TJP1: variants seen among roughly 807,000 people sequenced by gnomAD.
The protein encoded by TJP1 is tight junction protein 1.
Under a neutral mutation model 194.2 loss-of-function variants are expected in TJP1, and 43 were observed. The observed-to-expected ratio is 0.22, with a 90% CI of 0.17 to 0.29. The LOEUF (loss-of-function observed/expected upper bound fraction) is 0.29. TJP1 is among the 10% of genes least tolerant of loss of function. The pLI is 1.00. For missense variants in TJP1, 1,971 were observed against 2,185.7 expected (o/e 0.90, Z 1.96); for synonymous variants, 801 against 779.0 (o/e 1.03, Z -0.47).
intron 2 of TJP1, among the ~76,000 whole-genome samples, chr15:29,793,988 C>T (rs973922127): frequency 1.3e-5 from 2 of 152,128 alleles, no homozygotes; most frequent in African/African-American, 4.8e-5. Flanking sequence ...CAGGGAAATA[C>T]TGGCCCTTTG....
At chr15:29,906,139 C>T (rs72721154) in intron 2 of TJP1, among the ~76,000 whole-genome samples, 15,785 of 152,100 alleles carry the variant, frequency 0.1, 1,045 homozygotes, top group East Asian at 0.25. Context: ...ACTCTCTGTA[C>T]TTTCCACTCA....
chr15:29,833,109 T>C (rs1305980179), intron 2 of TJP1, among the ~76,000 whole-genome samples: 1 of 152,158 alleles, frequency 6.6e-6, no homozygotes, highest in Non-Finnish European at 1.5e-5. Context: ...TAAGGATTAA[T>C]GAGGGAATAT....
rs2050463927 is a variant in TJP1 at position 29,822,420 on chromosome 15, G to A, written c.-392C>T. 4.0e-6 allele frequency: 4 copies of A among 991,746 alleles called. No individual in the cohort carries two copies. Among genetic ancestry groups the A allele is most frequent in the Non-Finnish European group, 4.8e-6 (4 of 834,192 alleles). The allele number at this position is 991,746 out of a possible 1,614,324, so 61.4% of individuals were successfully genotyped here. A position where few individuals can be genotyped will look rare whatever the true frequency, so the allele number is the denominator to read the frequency against. ...CTTCCCGGGAACCGGCGGCCGCCAA[G>A]GAACGCGGCGTCCGCTGGCTCAGCC... On this transcript the variant is annotated 5_prime_UTR_variant, in exon 1 of 28. Transcript: ENST00000614355.
intron 2 of TJP1, among the ~76,000 whole-genome samples, chr15:29,796,873 A>T (rs746053216): frequency 3.9e-5 from 6 of 152,148 alleles, no homozygotes; most frequent in Admixed American, 6.5e-5. Flanking sequence ...TGGTCAATTG[A>T]TTTTTGACAA....
chr15:29,845,027 C>T (rs2051358087), intron 2 of TJP1, among the ~76,000 whole-genome samples: 1 of 152,126 alleles, frequency 6.6e-6, no homozygotes. Context: ...GAAAAAGGAA[C>T]TGATTGACCG....
In TJP1 at chr15:29,710,978, C is replaced by T. The variant is rs766170426; in HGVS notation, c.4225G>A (p.Gly1409Ser). The T allele has an allele frequency of 1.2e-6, 2 of 1,608,608 alleles. No individual in the cohort carries two copies. The highest frequency in any genetic ancestry group is 1.1e-5 in the South Asian group (1 of 90,510). ...SSKGKPPEAD[G>S]VDRSFGEKRY... ...TTCTCGCCAAATGATCTATCCACAC[C>T]ATCAGCTTCAGGAGGCTTTCCCCTG... The change falls in exon 24 of 28, where the codon GGT becomes AGT. Residue 1409 changes from glycine (G) to serine (S), a missense_variant. By Grantham distance (56) the Gly-to-Ser change is moderately conservative. This residue lies in a region of TJP1 where 1,108 missense variants were observed against 1,128.5 expected (regional missense o/e 0.98). Coordinates refer to ENST00000614355, the MANE Select transcript of TJP1 (RefSeq NM_001330239.4).
intron 2 of TJP1, among the ~76,000 whole-genome samples, chr15:29,856,099 G>A (rs912137526): frequency 6.6e-6 from 1 of 152,068 alleles, no homozygotes; most frequent in Non-Finnish European, 1.5e-5. Context: ...AATAAGATGT[G>A]GCATATCCAT....
At chr15:29,760,501 G>A (rs1409916445) in intron 8 of TJP1, among the ~76,000 whole-genome samples, 5 of 152,000 alleles carry the variant, frequency 3.3e-5, no homozygotes, top group South Asian at 2.1e-4. Context: ...TCAGCCTCCC[G>A]AGTAGCTGGG....
At chr15:29,953,572 C>T (rs951753026) in intron 2 of TJP1, among the ~76,000 whole-genome samples, 24 of 152,096 alleles carry the variant, frequency 1.6e-4, no homozygotes, top group African/African-American at 5.8e-4. Context: ...GTGGGAGGAG[C>T]CAAGCTGTTA....
In TJP1 at chr15:29,759,820, T is replaced by C. The variant is rs1364344389; in HGVS notation, c.1010+1319A>G. 9 of 173,804 alleles carry C rather than the reference T, an allele frequency of 5.2e-5. No homozygotes were observed. In the Admixed American group the frequency reaches 5.6e-4, roughly 11 times the overall value. The allele number at this position is 173,804 out of a possible 1,614,324, so 10.8% of individuals were successfully genotyped here. A position where few individuals can be genotyped will look rare whatever the true frequency, so the allele number is the denominator to read the frequency against. ...GATTTCCTTCTTTTTAAAGGCTAAA[T>C]CACATTTCATTGTGTGTGTGAACAT... is the stretch of plus-strand genomic sequence containing the variant. On this transcript the variant is annotated intron_variant, in intron 8 of 27. Transcript: ENST00000614355.
At chr15:29,714,773 C>A (rs1373525142) in intron 23 of TJP1, among the ~76,000 whole-genome samples, 1 of 151,920 alleles carries the variant, frequency 6.6e-6, no homozygotes, top group Admixed American at 6.6e-5. Flanking sequence ...GATCTCCTGA[C>A]CTCATGATCA....
chr15:29,820,707 T>C, intron 1 of TJP1: 2 of 606,116 alleles, frequency 3.3e-6, no homozygotes, highest in East Asian at 2.8e-5. Context: ...AGACAAATAA[T>C]GGGAGCTTAT....
At chr15:29,936,404 G>C (rs970108403) in intron 2 of TJP1, among the ~76,000 whole-genome samples, 7 of 152,210 alleles carry the variant, frequency 4.6e-5, no homozygotes, top group African/African-American at 1.7e-4. Context: ...CCCCGGTCCA[G>C]CCTGTTGTAG....
intron 2 of TJP1, among the ~76,000 whole-genome samples, chr15:29,953,088 GT>G (rs1416058622): frequency 7.5e-6 from 1 of 133,798 alleles, no homozygotes; most frequent in Non-Finnish European, 1.6e-5. Context: ...TCGAATCCAT[GT>G]TTTTTTCAAA....
intron 2 of TJP1, among the ~76,000 whole-genome samples, chr15:29,785,311 TTTCAG>T (rs1567023306): frequency 1.3e-5 from 2 of 152,336 alleles, no homozygotes; most frequent in Admixed American, 1.3e-4. Context: ...CCTGGAATTT[TTTCAG>T]TTATGTGTCC....
rs370842459 is a variant in TJP1 at position 29,716,560 on chromosome 15, C to T, written c.4202+51G>A. 6.7e-5 allele frequency: 89 copies of T among 1,336,892 alleles called. No homozygotes were observed. In the African/African-American group the frequency reaches 7.1e-4, roughly 11 times the overall value. 82.8% of individuals were successfully genotyped at this position (1,336,892 alleles called of 1,614,324 possible). On this transcript the variant is annotated intron_variant, in intron 23 of 27. Coordinates refer to ENST00000614355, the MANE Select transcript of TJP1 (RefSeq NM_001330239.4). ...TTTCTTCAAAATATATTGAACTGCA[C>T]GGGATTAATATGCTGCATCCTATTT...
At chr15:29,717,454 T>C (rs2042634045) in intron 22 of TJP1, among the ~76,000 whole-genome samples, 1 of 152,228 alleles carries the variant, frequency 6.6e-6, no homozygotes, top group Non-Finnish European at 1.5e-5. Flanking sequence ...GGCAGTGCAA[T>C]GAGGCCATGG....
downstream of TJP1, chr15:29,699,960 G>C: frequency 4.0e-6 from 1 of 251,792 alleles, no homozygotes; most frequent in Non-Finnish European, 7.5e-6. Context: ...CCCCACTTCA[G>C]TCTGAGCCCT....
At chr15:29,828,533 G>A (rs374579064) in intron 2 of TJP1, among the ~76,000 whole-genome samples, 7 of 151,952 alleles carry the variant, frequency 4.6e-5, no homozygotes, top group Admixed American at 1.3e-4. Context: ...CCAAATTGCC[G>A]TCTAAGAAAA....
Sources: gnomAD v4.1 joint callset for allele counts (sites outside exome capture counted in the v4.1 genomes callset) on GRCh38, gnomAD v4.1.1 for gene constraint, gnomAD v4.1.1 regional missense constraint, MANE v1.5 for transcripts, NCBI Gene and HGNC (gene_info 2026-07-23, HGNC 2026-07-21) for gene names.